ABCA12: variants seen among roughly 807,000 people sequenced by gnomAD.
ABCA12 encodes glucosylceramide transporter ABCA12.
A neutral mutation model predicts 293.5 loss-of-function variants in ABCA12; 156 were observed. The ratio of observed to expected loss-of-function variants is 0.53; its 90% confidence interval spans 0.47 to 0.61. The LOEUF (loss-of-function observed/expected upper bound fraction) is 0.61, where lower values mean the gene tolerates loss of function less well. Ranked by LOEUF, ABCA12 falls within the 20% of genes least tolerant of loss-of-function variation. The probability of loss-of-function intolerance (pLI) is 0.00; values close to 1 mark genes in which losing one functional copy is unlikely to be tolerated. For synonymous variants in ABCA12, 1,063 were observed against 1,108.0 expected, an observed-to-expected ratio of 0.96 and a Z score of 0.81; for missense variants, 2,797 against 3,090.2, an observed-to-expected ratio of 0.91 and a Z score of 2.25.
chr2:215,041,129 C>G (rs1402089608), intron 7 of ABCA12, among the ~76,000 whole-genome samples: 1 of 151,992 alleles, frequency 6.6e-6, no homozygotes, highest in African/African-American at 2.4e-5. Context: ...CTTGATTTAG[C>G]CATTCCACAA....
intron 7 of ABCA12, among the ~76,000 whole-genome samples, chr2:215,043,492 A>T (rs1016417196): frequency 5.3e-5 from 8 of 152,168 alleles, no homozygotes; most frequent in African/African-American, 1.9e-4. Flanking sequence ...TGTTTTTGCC[A>T]GTGTAATTTG....
In ABCA12 at chr2:214,948,672, T is replaced by C. The variant is rs369093382; in HGVS notation, c.7028A>G (p.Asp2343Gly). 4.3e-6 allele frequency: 7 copies of C among 1,614,110 alleles called. No homozygotes were observed. Among genetic ancestry groups the C allele is most frequent in the Non-Finnish European group, 5.9e-6 (7 of 1,179,984 alleles). The change falls in exon 47 of 53, where the codon GAT (aspartate) becomes GGT (glycine). Residue 2343 changes from aspartate (D) to glycine (G), a missense_variant. This residue lies in a region of ABCA12 where 2,130 missense variants were observed against 2,427.0 expected (regional missense o/e 0.88). Transcript: ENST00000272895. ...ATGTTCTTCCACAGTTACCAGGTCA[T>C]CTAAGGCATCTTCCTGAGGACAGTA... is the stretch of plus-strand genomic sequence containing the variant. ...VGYCPQEDAL[D>G]DLVTVEEHLY...
At chr2:214,995,989 T>G (rs1700024187) in intron 23 of ABCA12, among the ~76,000 whole-genome samples, 1 of 152,006 alleles carries the variant, frequency 6.6e-6, no homozygotes, top group African/African-American at 2.4e-5. Context: ...TGAGCCCGAG[T>G]GTATATGGCT....
intron 48 of ABCA12, 88 bp from the exon 49 acceptor site, chr2:214,945,192 G>A: frequency 9.5e-7 from 1 of 1,054,456 alleles, no homozygotes; most frequent in South Asian, 1.4e-5. Context: ...CACTTCCCTA[G>A]AACAGAAATA....
chr2:215,115,098 A>G (rs1702658411), intron 1 of ABCA12, among the ~76,000 whole-genome samples: 1 of 152,218 alleles, frequency 6.6e-6, no homozygotes, highest in Admixed American at 6.5e-5. Context: ...TGCAATCTAT[A>G]CCAGAGACGT....
intron 2 of ABCA12, among the ~76,000 whole-genome samples, chr2:215,097,267 T>C (rs916302922): frequency 2.6e-5 from 4 of 152,154 alleles, no homozygotes; most frequent in Admixed American, 6.6e-5. Flanking sequence ...TTTGAGGACA[T>C]AGCTTAAGTC....
At chr2:215,001,956 AG>A (rs1321913111) in intron 20 of ABCA12, among the ~76,000 whole-genome samples, 1 of 152,216 alleles carries the variant, frequency 6.6e-6, no homozygotes, top group Non-Finnish European at 1.5e-5. Flanking sequence ...CAGTAAACCT[AG>A]GTTCTAAGAA....
intron 9 of ABCA12, among the ~76,000 whole-genome samples, chr2:215,030,695 C>G (rs891497882): frequency 1.3e-5 from 2 of 151,938 alleles, no homozygotes; most frequent in African/African-American, 4.8e-5. Context: ...GGAGAAGCAC[C>G]TGGGTCAGCC....
chr2:214,997,669 A>G, intron 23 of ABCA12, 26 bp downstream of exon 23: 1 of 1,493,452 alleles, frequency 6.7e-7, no homozygotes, highest in Non-Finnish European at 9.3e-7. Flanking sequence ...GGACTTATTC[A>G]TAACAAGAAG....
At chr2:215,133,997 G>A (rs969754537) in intron 1 of ABCA12, among the ~76,000 whole-genome samples, 1 of 151,860 alleles carries the variant, frequency 6.6e-6, no homozygotes, top group Admixed American at 6.6e-5. Flanking sequence ...CTAGGACCCT[G>A]TAAAATTAAG....
chr2:214,969,148 T>C (rs1574950402), intron 37 of ABCA12, among the ~76,000 whole-genome samples: 1 of 152,034 alleles, frequency 6.6e-6, no homozygotes, highest in African/African-American at 2.4e-5. Context: ...CAAATATTCC[T>C]TTTAGGTAAT....
At chr2:215,011,905 T>G in intron 16 of ABCA12, 66 bp downstream of exon 16, 1 of 1,485,516 alleles carries the variant, frequency 6.7e-7, no homozygotes, top group Non-Finnish European at 9.4e-7. Flanking sequence ...AAGCTGAATG[T>G]ATTATAACTA....
At chr2:215,034,510 G>A (rs2106034317) in intron 8 of ABCA12, among the ~76,000 whole-genome samples, 1 of 152,346 alleles carries the variant, frequency 6.6e-6, no homozygotes, top group East Asian at 1.9e-4. Flanking sequence ...GTGACTAAAA[G>A]TGTGGGCTCT....
At chr2:214,973,925 C>T in intron 36 of ABCA12, 24 bp downstream of exon 36, 1 of 1,587,434 alleles carries the variant, frequency 6.3e-7, no homozygotes, top group Non-Finnish European at 8.7e-7. Flanking sequence ...TTTCCCATTT[C>T]ACTGAAACTG....
Position 214,980,560 on chromosome 2 carries a change from GCCCA to G in ABCA12, c.4659_4662del (p.Gly1554LeufsTer30). On this transcript the variant is annotated frameshift_variant, in exon 31 of 53. Coordinates refer to ENST00000272895, the MANE Select transcript of ABCA12 (RefSeq NM_173076.3). LOFTEE classifies it high-confidence loss of function. Reference sequence around the variant, plus strand: ...TAAAATGGGGACCCACAGCACCTAAGCCCACCCTGCTCCAGGAAGGCGATGCGGT... The same window carrying G: ...TAAAATGGGGACCCACAGCACCTAAGCCCTGCTCCAGGAAGGCGATGCGGT... The G allele has an allele frequency of 6.2e-7, 1 of 1,613,988 alleles. No homozygotes were observed. Among genetic ancestry groups the G allele is most frequent in the Non-Finnish European group, 8.5e-7 (1 of 1,179,988 alleles).
intron 2 of ABCA12, among the ~76,000 whole-genome samples, chr2:215,099,421 G>A (rs564489704): frequency 5.1e-4 from 78 of 152,290 alleles, no homozygotes; most frequent in African/African-American, 1.6e-3. Context: ...CCAGCTGGGC[G>A]CGGTGGCTCA....
At chr2:215,030,442 A>G (rs1261124505) in intron 9 of ABCA12, among the ~76,000 whole-genome samples, 4 of 151,694 alleles carry the variant, frequency 2.6e-5, no homozygotes, top group Non-Finnish European at 5.9e-5. Flanking sequence ...ACAATACAAA[A>G]AAAAAAAAAA....
intron 2 of ABCA12, among the ~76,000 whole-genome samples, chr2:215,069,432 G>C (rs1054447936): frequency 2.6e-5 from 4 of 151,902 alleles, no homozygotes; most frequent in African/African-American, 9.7e-5. Context: ...GCATAGGAAA[G>C]GAAATGAATC....
At chr2:214,989,209 T>A (rs768737663) in intron 26 of ABCA12, 120 bp downstream of exon 26, 17 of 167,458 alleles carry the variant, frequency 1.0e-4, no homozygotes, top group South Asian at 5.9e-4. Context: ...TATATATATA[T>A]AATATTTTTA....
Sources: gnomAD v4.1 joint callset for allele counts (sites outside exome capture counted in the v4.1 genomes callset) on GRCh38, gnomAD v4.1.1 for gene constraint, gnomAD v4.1.1 regional missense constraint, MANE v1.5 for transcripts, NCBI Gene and HGNC (gene_info 2026-07-23, HGNC 2026-07-21) for gene names.